Variants in MYO3A observed in about 807,000 individuals in gnomAD.
The protein encoded by MYO3A is myosin IIIA.
In MYO3A, 180 loss-of-function variants were observed where a neutral mutation model predicts 192.7. The observed-to-expected ratio is 0.93, with a 90% CI of 0.83 to 1.06. MYO3A has a LOEUF of 1.06. Ranked by LOEUF, MYO3A falls within the 50% of genes least tolerant of loss-of-function variation. The probability of loss-of-function intolerance (pLI) is 0.00; values close to 1 mark genes in which losing one functional copy is unlikely to be tolerated. For missense variants in MYO3A, 1,896 were observed against 1,905.0 expected, an observed-to-expected ratio of 1.00 and a Z score of 0.09; for synonymous variants, 628 against 645.3, an observed-to-expected ratio of 0.97 and a Z score of 0.41.
intron 10 of MYO3A, among the ~76,000 whole-genome samples, chr10:26,057,377 C>T (rs1834176637): frequency 6.6e-6 from 1 of 151,850 alleles, no homozygotes; most frequent in Non-Finnish European, 1.5e-5. Context: ...TAGGGTTAAC[C>T]CTGGAAAAAA....
chr10:26,054,422 A>T (rs1014635312), intron 10 of MYO3A, among the ~76,000 whole-genome samples: 1 of 152,204 alleles, frequency 6.6e-6, no homozygotes, highest in Non-Finnish European at 1.5e-5. Flanking sequence ...AACTGTTTTT[A>T]CATACGGTCC....
Position 25,944,461 on chromosome 10 carries a change from G to C in MYO3A, c.-17-7633G>C, listed in dbSNP as rs1353527951. The stretch of plus-strand genomic sequence containing the variant: ...CTTTTTAATATTTTTGGAAGAGTTT[G>C]AGAAGGATTGTCGTTAATTATTCTT... On this transcript the variant is annotated intron_variant, in intron 2 of 34. Transcript: ENST00000642920. Among the ~76,000 whole-genome samples the C allele has an allele frequency of 2.6e-5, 4 of 152,004 alleles. No homozygotes were observed. In the East Asian group the frequency reaches 5.8e-4, roughly 22 times the overall value.
chr10:26,130,171 G>T (rs534590587), intron 20 of MYO3A, among the ~76,000 whole-genome samples: 1 of 151,928 alleles, frequency 6.6e-6, no homozygotes, highest in East Asian at 1.9e-4. Context: ...GTGGGGTGGT[G>T]TTGGCTGACT....
chr10:25,988,951 T>C (rs1839836555), intron 4 of MYO3A, among the ~76,000 whole-genome samples: 1 of 150,966 alleles, frequency 6.6e-6, no homozygotes, highest in African/African-American at 2.4e-5. Context: ...TTTTTTTTTT[T>C]TTTTTTTTTA....
chr10:26,060,926 TATTTTA>T (rs984002785), intron 10 of MYO3A, among the ~76,000 whole-genome samples: 1 of 117,052 alleles, frequency 8.5e-6, no homozygotes, highest in Non-Finnish European at 2.1e-5. Context: ...TTTTTATTTT[TATTTTA>T]TTTTATTTTT....
At chr10:26,124,984 G>A (rs1253449403) in intron 18 of MYO3A, among the ~76,000 whole-genome samples, 1 of 152,190 alleles carries the variant, frequency 6.6e-6, no homozygotes, top group African/African-American at 2.4e-5. Flanking sequence ...TGAAGTCTAA[G>A]TAACCTGTTC....
intron 18 of MYO3A, among the ~76,000 whole-genome samples, chr10:26,122,895 A>C (rs893566928): frequency 6.6e-5 from 10 of 152,230 alleles, no homozygotes; most frequent in Non-Finnish European, 1.3e-4. Flanking sequence ...TCAAATAAAT[A>C]AACAATGTAG....
chr10:26,104,915 A>T lies in MYO3A; in HGVS notation c.1776+8233A>T, dbSNP rs538404458. Among the ~76,000 whole-genome samples, 4 of 152,008 alleles carry T rather than the reference A, an allele frequency of 2.6e-5. No homozygotes were observed. In the South Asian group the frequency reaches 8.3e-4, roughly 32 times the overall value. On this transcript the variant is annotated intron_variant, in intron 17 of 34. Transcript: ENST00000642920. ...CACACACCCATGCAGATGTTGACACATGCATATATATGGTGAGATGATCAT... is the reference window on the plus strand; with the variant it reads ...CACACACCCATGCAGATGTTGACACTTGCATATATATGGTGAGATGATCAT...
At chr10:26,170,962 T>G (rs527606362) in intron 29 of MYO3A, among the ~76,000 whole-genome samples, 37 of 152,342 alleles carry the variant, frequency 2.4e-4, no homozygotes, top group African/African-American at 8.9e-4. Flanking sequence ...TCCAAGTGCA[T>G]GTTAGCAAAC....
intron 10 of MYO3A, among the ~76,000 whole-genome samples, chr10:26,045,754 T>G (rs974514281): frequency 6.6e-6 from 1 of 152,178 alleles, no homozygotes; most frequent in African/African-American, 2.4e-5. Flanking sequence ...TTTACCCACC[T>G]TTCTGTCTTG....
chr10:26,128,093 A>G (rs1011686663), intron 19 of MYO3A, among the ~76,000 whole-genome samples: 1 of 152,136 alleles, frequency 6.6e-6, no homozygotes, highest in African/African-American at 2.4e-5. Context: ...TGACTCACTC[A>G]AGCCTGTGAC....
rs538168299 is a variant in MYO3A at position 26,062,494 on chromosome 10, C to T, written c.954-4481C>T. ...ATCACACCACTGCACTCTGGCCTGG[C>T]GACAGAGTGAGATGCCATCTCAAAA... On this transcript the variant is annotated intron_variant, in intron 10 of 34. Transcript: ENST00000642920. 6.1e-4 allele frequency among the ~76,000 whole-genome samples: 36 copies of T among 59,008 alleles called. No individual in the cohort carries two copies. The South Asian group carries it at 8.0e-3, about 13-fold the overall frequency. The allele number at this position is 59,008 out of a possible 152,430, so 38.7% of individuals were successfully genotyped here.
chr10:26,072,659 A>G (rs922611383), intron 14 of MYO3A, among the ~76,000 whole-genome samples: 3 of 151,538 alleles, frequency 2.0e-5, no homozygotes, highest in African/African-American at 7.3e-5. Context: ...CAAATTGTAA[A>G]GTTCAAGCTC....
intron 6 of MYO3A, among the ~76,000 whole-genome samples, chr10:26,009,691 C>T (rs576544621): frequency 3.3e-5 from 5 of 152,210 alleles, no homozygotes; most frequent in Non-Finnish European, 5.9e-5. Flanking sequence ...GTGTGCTTCT[C>T]TATGATGTGA....
Position 26,190,836 on chromosome 10 carries a change from A to G in MYO3A, c.4439-2369A>G, listed in dbSNP as rs188946897. On this transcript the variant is annotated intron_variant, in intron 31 of 34. Coordinates refer to ENST00000642920, the MANE Select transcript of MYO3A (RefSeq NM_017433.5). ...GCAATTCCCTTTGCACCAACCTAAT[A>G]GAAAGCATTTTCAATAGACAAATCA... 2.6e-5 allele frequency among the ~76,000 whole-genome samples: 4 copies of G among 152,288 alleles called. No individual in the cohort carries two copies. In the East Asian group the frequency reaches 7.7e-4, roughly 29 times the overall value.
At chr10:26,038,797 A>C (rs1266522563) in intron 10 of MYO3A, among the ~76,000 whole-genome samples, 1 of 152,168 alleles carries the variant, frequency 6.6e-6, no homozygotes, top group Non-Finnish European at 1.5e-5. Flanking sequence ...CCCATTCCGT[A>C]TGATAGTAGT....
chr10:26,205,480 G>GGC (rs1843875980), intron 34 of MYO3A, among the ~76,000 whole-genome samples: 3 of 100,508 alleles, frequency 3.0e-5, no homozygotes, highest in East Asian at 2.9e-4. Flanking sequence ...TTTTTTTTTT[G>GGC]GGGGGGGGCT....
At chr10:26,019,248 T>C (rs1842155366) in intron 7 of MYO3A, among the ~76,000 whole-genome samples, 1 of 147,520 alleles carries the variant, frequency 6.8e-6, no homozygotes, top group African/African-American at 2.5e-5. Flanking sequence ...TATTTATTTA[T>C]TTATTTATTT....
At chr10:26,209,309 T>G (rs1044064623) in intron 34 of MYO3A, among the ~76,000 whole-genome samples, 8 of 152,176 alleles carry the variant, frequency 5.3e-5, no homozygotes, top group African/African-American at 1.7e-4. Context: ...CTTGAATGTT[T>G]GTTCTCTTTA....
Sources: gnomAD v4.1 joint callset for allele counts (sites outside exome capture counted in the v4.1 genomes callset) on GRCh38, gnomAD v4.1.1 for gene constraint, MANE v1.5 for transcripts, NCBI Gene and HGNC (gene_info 2026-07-23, HGNC 2026-07-21) for gene names.